Variants in DNAH3 observed in about 807,000 individuals in gnomAD.
DNAH3 encodes the protein dynein axonemal heavy chain 3.
Under a neutral mutation model 432.5 loss-of-function variants are expected in DNAH3, and 332 were observed. The ratio of observed to expected loss-of-function variants is 0.77; its 90% CI spans 0.70 to 0.84. The LOEUF is 0.84. Ranked by LOEUF, DNAH3 falls within the 40% of genes least tolerant of loss-of-function variation. The pLI is 0.00. For synonymous variants in DNAH3, 1,956 were observed against 1,900.2 expected, an observed-to-expected ratio of 1.03 and a Z score of -0.76; for missense variants, 4,861 against 5,114.0, an observed-to-expected ratio of 0.95 and a Z score of 1.51.
At chr16:20,996,286 C>T (rs986029491) in intron 44 of DNAH3, among the ~76,000 whole-genome samples, 2 of 152,088 alleles carry the variant, frequency 1.3e-5, no homozygotes, top group African/African-American at 2.4e-5. Context: ...CATACTGATA[C>T]GTGTAGATTT....
intron 14 of DNAH3, among the ~76,000 whole-genome samples, chr16:21,107,113 T>C (rs761906032): frequency 1.3e-5 from 2 of 151,996 alleles, no homozygotes; most frequent in African/African-American, 2.4e-5. Flanking sequence ...CCAAAGCTCA[T>C]ACTCTTAACA....
At chr16:20,938,220 C>T (rs967788687) in intron 59 of DNAH3, among the ~76,000 whole-genome samples, 3 of 151,904 alleles carry the variant, frequency 2.0e-5, no homozygotes, top group South Asian at 2.1e-4. Context: ...GGTTAAACCC[C>T]GTCTGTACTA....
At chr16:20,936,666 G>A (rs771551187) in exon 60 of DNAH3, 14 of 1,599,992 alleles carry the variant, frequency 8.8e-6, no homozygotes, top group Admixed American at 1.7e-5. Flanking sequence ...AAGGTCAGGC[G>A]GGCCAGCAGG....
chr16:21,047,938 T>C (rs1449912378), intron 31 of DNAH3, among the ~76,000 whole-genome samples: 2 of 151,932 alleles, frequency 1.3e-5, no homozygotes, highest in Non-Finnish European at 2.9e-5. Flanking sequence ...CCCTGCCGTG[T>C]GAGGTGTCAG....
chr16:20,965,002 G>A lies in DNAH3; in HGVS notation c.8882C>T (p.Ser2961Phe). Residue 2961 changes from serine to phenylalanine, a missense_variant, in exon 53 of 62, where the codon TCC (serine) becomes TTC (phenylalanine). Physicochemically the swap from Ser to Phe is radical, Grantham distance 155. Transcript: ENST00000261383. ...TTTCTCTGCCCTGACCAGCTTTTGG[G>A]AGCAGATTTCAATGTTTTCCTCCAA... 6.2e-7 allele frequency: 1 copy of A among 1,614,082 alleles called. No individual in the cohort carries two copies. The highest frequency in any genetic ancestry group is 8.5e-7 in the Non-Finnish European group (1 of 1,180,006).
exon 21 of DNAH3, chr16:21,075,552 G>A: frequency 6.2e-7 from 1 of 1,613,092 alleles, no homozygotes; most frequent in Non-Finnish European, 8.5e-7. Context: ...CTGCACCAAT[G>A]GGCTCCAATC....
chr16:21,057,619 G>A (rs760965109), intron 27 of DNAH3, among the ~76,000 whole-genome samples: 4 of 152,186 alleles, frequency 2.6e-5, no homozygotes, highest in Non-Finnish European at 5.9e-5. Context: ...ATGTGTATTT[G>A]GATCTGAGGA....
At chr16:20,974,443 G>A (rs905362676) in intron 51 of DNAH3, among the ~76,000 whole-genome samples, 1 of 151,842 alleles carries the variant, frequency 6.6e-6, no homozygotes, top group Non-Finnish European at 1.5e-5. Flanking sequence ...CAAGGCTGCA[G>A]TGAGCTATGG....
chr16:21,112,980 C>A (rs1325835669), intron 12 of DNAH3, among the ~76,000 whole-genome samples: 1 of 152,134 alleles, frequency 6.6e-6, no homozygotes, highest in East Asian at 1.9e-4. Context: ...AACTAACTTG[C>A]TTTTGATTTT....
intron 32 of DNAH3, among the ~76,000 whole-genome samples, chr16:21,040,358 A>ATCTTTTTTT (rs771791969): frequency 0.044 from 3,515 of 79,724 alleles, 539 homozygotes; most frequent in South Asian, 0.086. Flanking sequence ...AGCCAGACAG[A>ATCTTTTTTT]TTTTTTTTTT....
At chr16:21,075,831 G>C (rs1360840474) in intron 20 of DNAH3, among the ~76,000 whole-genome samples, 3 of 148,090 alleles carry the variant, frequency 2.0e-5, no homozygotes, top group Admixed American at 7.0e-5. Context: ...GATCGCCTGA[G>C]CCTGGGAGGT....
At chr16:21,038,538 G>C (rs1362924685) in intron 33 of DNAH3, among the ~76,000 whole-genome samples, 1 of 152,166 alleles carries the variant, frequency 6.6e-6, no homozygotes, top group Non-Finnish European at 1.5e-5. Context: ...TATGGCTGTA[G>C]ACTCATTTTG....
At chr16:21,099,478 C>T (rs1439453327) in intron 16 of DNAH3, among the ~76,000 whole-genome samples, 1 of 152,186 alleles carries the variant, frequency 6.6e-6, no homozygotes, top group Non-Finnish European at 1.5e-5. Context: ...TCAACTTCAT[C>T]CATATTATCA....
intron 14 of DNAH3, among the ~76,000 whole-genome samples, chr16:21,108,048 A>G (rs1293195503): frequency 1.3e-5 from 2 of 151,842 alleles, no homozygotes; most frequent in Admixed American, 1.3e-4. Context: ...TAATTTTTGT[A>G]TTTTTAGTAG....
chr16:20,990,908 C>CT (rs2086522468), intron 44 of DNAH3, among the ~76,000 whole-genome samples: 1 of 152,106 alleles, frequency 6.6e-6, no homozygotes, highest in Non-Finnish European at 1.5e-5. Flanking sequence ...GTAGTCCCAA[C>CT]TACTCGGGAG....
intron 7 of DNAH3, among the ~76,000 whole-genome samples, chr16:21,132,459 C>T (rs941435390): frequency 1.3e-5 from 2 of 152,112 alleles, no homozygotes; most frequent in Non-Finnish European, 2.9e-5. Flanking sequence ...TTGAAGGGCT[C>T]ACTAAAAAAA....
chr16:21,007,633 G>C (rs2087377676), intron 41 of DNAH3, among the ~76,000 whole-genome samples: 1 of 152,032 alleles, frequency 6.6e-6, no homozygotes, highest in Non-Finnish European at 1.5e-5. Context: ...TACATAATTT[G>C]TAATAAATTT....
exon 59 of DNAH3, chr16:20,941,442 G>A (rs1176197468): frequency 6.2e-7 from 1 of 1,614,096 alleles, no homozygotes; most frequent in South Asian, 1.1e-5. Flanking sequence ...CGGTATTCAT[G>A]GATTCTTCAT....
intron 54 of DNAH3, among the ~76,000 whole-genome samples, 181 bp from the exon 55 acceptor site, chr16:20,955,238 C>G (rs1448500352): frequency 6.6e-6 from 1 of 152,054 alleles, no homozygotes. Context: ...AAAAGAATAG[C>G]TATGATTAAA....
Sources: allele counts gnomAD v4.1 joint callset (sites outside exome capture counted in the v4.1 genomes callset), GRCh38; gene constraint gnomAD v4.1.1; transcripts MANE v1.5; gene names NCBI Gene and HGNC (gene_info 2026-07-23, HGNC 2026-07-21).